Variants in TM9SF4 observed in about 807,000 individuals in gnomAD.
The protein encoded by TM9SF4 is transmembrane 9 superfamily member 4.
A neutral mutation model predicts 90.4 loss-of-function variants in TM9SF4; 26 were observed. The ratio of observed to expected loss-of-function variants is 0.29; its 90% confidence interval spans 0.21 to 0.40. The LOEUF is 0.40. Among genes scored for constraint, TM9SF4 ranks in the 10% least tolerant of loss-of-function variants. The pLI is 1.00. For missense variants in TM9SF4, 549 were observed against 834.8 expected (o/e 0.66, Z 4.22); for synonymous variants, 293 against 315.4 (o/e 0.93, Z 0.75).
At chr20:32,137,057 G>C in intron 3 of TM9SF4, 1 of 456,748 alleles carries the variant, frequency 2.2e-6, no homozygotes, top group Non-Finnish European at 4.4e-6. Context: ...CCAAAATTGG[G>C]TAGGACCATC....
chr20:32,160,122 CAGGGCCAGG>C lies in TM9SF4; in HGVS notation c.1689+15_1689+23del. On this transcript the variant is annotated intron_variant, in intron 16 of 17. Coordinates refer to ENST00000398022, the MANE Select transcript of TM9SF4 (RefSeq NM_014742.4). Reference sequence around the variant, plus strand: ...CAGCTGTGTGCAGAGGTGAGGAGAGCAGGGCCAGGAGGCGGGGGAGGGAGAACTGGATCC... The same window carrying C: ...CAGCTGTGTGCAGAGGTGAGGAGAGCAGGCGGGGGAGGGAGAACTGGATCC... The C allele has an allele frequency of 1.2e-6, 2 of 1,613,974 alleles. No homozygotes were observed. Among genetic ancestry groups the C allele is most frequent in the Non-Finnish European group, 1.7e-6 (2 of 1,179,942 alleles).
intron 13 of TM9SF4, among the ~76,000 whole-genome samples, chr20:32,156,937 A>ATTTTTTT (rs1244272103): frequency 2.9e-4 from 18 of 63,032 alleles, no homozygotes; most frequent in East Asian, 8.3e-4. Flanking sequence ...TTTCCTGGAC[A>ATTTTTTT]TTTTCTTTTT....
intron 1 of TM9SF4, among the ~76,000 whole-genome samples, chr20:32,131,854 A>T (rs2046520220): frequency 6.6e-6 from 1 of 152,148 alleles, no homozygotes; most frequent in South Asian, 2.1e-4. Flanking sequence ...CTGCATGCAG[A>T]TATTTCCTGA....
In TM9SF4 at chr20:32,142,968, T is replaced by C; in HGVS notation, c.529-14T>C. Reference sequence around the variant, plus strand: ...GTGATGTTCTGTTGTGCTTTCTCTGTTGCTGTGTTTCAGATCTACCTGCAC... The same window carrying C: ...GTGATGTTCTGTTGTGCTTTCTCTGCTGCTGTGTTTCAGATCTACCTGCAC... On this transcript the variant is annotated splice_polypyrimidine_tract_variant and intron_variant, in intron 5 of 17. Coordinates refer to ENST00000398022, the MANE Select transcript of TM9SF4 (RefSeq NM_014742.4). The C allele has an allele frequency of 2.5e-6, 4 of 1,612,166 alleles. No individual in the cohort carries two copies. Among genetic ancestry groups the C allele is most frequent in the Middle Eastern group, 1.7e-4 (1 of 6,050 alleles).
At chr20:32,152,023 G>A (rs1223899809) in intron 12 of TM9SF4, among the ~76,000 whole-genome samples, 3 of 151,222 alleles carry the variant, frequency 2.0e-5, no homozygotes, top group East Asian at 3.9e-4. Context: ...CACCACACCT[G>A]GCTAATTTTT....
chr20:32,145,631 G>A (rs1181861867), intron 8 of TM9SF4, among the ~76,000 whole-genome samples: 1 of 152,166 alleles, frequency 6.6e-6, no homozygotes, highest in Non-Finnish European at 1.5e-5. Context: ...CTCATTCATG[G>A]AGGACAGACA....
At chr20:32,124,104 G>A (rs1375492027) in intron 1 of TM9SF4, among the ~76,000 whole-genome samples, 1 of 151,996 alleles carries the variant, frequency 6.6e-6, no homozygotes, top group Non-Finnish European at 1.5e-5. Context: ...CTGTCCTCAA[G>A]TGATTCTCCT....
At chr20:32,120,784 T>C (rs1259417545) in intron 1 of TM9SF4, among the ~76,000 whole-genome samples, 1 of 133,976 alleles carries the variant, frequency 7.5e-6, no homozygotes, top group Non-Finnish European at 1.6e-5. Context: ...GGATTTTTCA[T>C]AGCTGCCCTT....
chr20:32,131,199 G>A (rs1428748362), intron 1 of TM9SF4, among the ~76,000 whole-genome samples: 1 of 152,252 alleles, frequency 6.6e-6, no homozygotes, highest in Non-Finnish European at 1.5e-5. Flanking sequence ...TGTGTTTACT[G>A]GAGTCAGGCT....
At chr20:32,132,931 G>C (rs2046540537) in intron 1 of TM9SF4, 82 bp from the exon 2 acceptor site, 2 of 1,245,362 alleles carry the variant, frequency 1.6e-6, no homozygotes, top group South Asian at 2.7e-5. Flanking sequence ...AAAGCAACAT[G>C]AAGGTGGTAT....
At chr20:32,154,882 A>G (rs1001585758) in intron 12 of TM9SF4, among the ~76,000 whole-genome samples, 1 of 152,206 alleles carries the variant, frequency 6.6e-6, no homozygotes, top group Non-Finnish European at 1.5e-5. Flanking sequence ...GTAATTACGA[A>G]CTGGGATGAG....
At chr20:32,157,630 C>A (rs2046947401) in intron 13 of TM9SF4, among the ~76,000 whole-genome samples, 164 bp from the exon 14 acceptor site, 1 of 152,196 alleles carries the variant, frequency 6.6e-6, no homozygotes, top group Non-Finnish European at 1.5e-5. Context: ...TGGGGTCAGC[C>A]TCAAGAGATT....
At chr20:32,156,719 A>G (rs752024732) in intron 13 of TM9SF4, among the ~76,000 whole-genome samples, 1 of 151,332 alleles carries the variant, frequency 6.6e-6, no homozygotes, top group Non-Finnish European at 1.5e-5. Flanking sequence ...TGGTCCTCCC[A>G]CCTCAGCCCC....
chr20:32,161,733 T>C (rs2047022016), intron 17 of TM9SF4, among the ~76,000 whole-genome samples: 1 of 151,962 alleles, frequency 6.6e-6, no homozygotes, highest in Admixed American at 6.6e-5. Flanking sequence ...AAGAGTAACA[T>C]GAAAGAAGAA....
At chr20:32,121,902 C>T (rs1264286734) in intron 1 of TM9SF4, among the ~76,000 whole-genome samples, 10 of 144,536 alleles carry the variant, frequency 6.9e-5, no homozygotes, top group South Asian at 4.4e-4. Flanking sequence ...ACCTCCCTCC[C>T]GGACGGGGCG....
At chr20:32,131,491 T>TGC (rs1555883169) in intron 1 of TM9SF4, among the ~76,000 whole-genome samples, 4 of 151,660 alleles carry the variant, frequency 2.6e-5, no homozygotes, top group African/African-American at 9.7e-5. Flanking sequence ...AGTGTGTGTG[T>TGC]GTGTGTGTGT....
At chr20:32,140,652 C>G (rs557047550) in intron 3 of TM9SF4, among the ~76,000 whole-genome samples, 3 of 152,272 alleles carry the variant, frequency 2.0e-5, no homozygotes, top group African/African-American at 7.2e-5. Flanking sequence ...CTGTTATTAT[C>G]CCATTTTATG....
intron 1 of TM9SF4, among the ~76,000 whole-genome samples, chr20:32,126,304 A>G (rs1050620036): frequency 6.6e-6 from 1 of 152,218 alleles, no homozygotes; most frequent in South Asian, 2.1e-4. Flanking sequence ...CTTCTGAATC[A>G]GAATCTGCAT....
At chr20:32,119,287 A>C (rs1242789379) in intron 1 of TM9SF4, among the ~76,000 whole-genome samples, 2 of 151,890 alleles carry the variant, frequency 1.3e-5, no homozygotes, top group Non-Finnish European at 2.9e-5. Context: ...GATGAAACCC[A>C]GTCTCTATTA....
Sources: gnomAD v4.1 joint callset for allele counts (sites outside exome capture counted in the v4.1 genomes callset) on GRCh38, gnomAD v4.1.1 for gene constraint, MANE v1.5 for transcripts, NCBI Gene and HGNC (gene_info 2026-07-23, HGNC 2026-07-21) for gene names.